HSPA12A: variants seen among roughly 807,000 people sequenced by gnomAD.
The protein encoded by HSPA12A is heat shock protein family A (Hsp70) member 12A, also known as heat shock 70 kDa protein 12A.
Under a neutral mutation model 69.2 loss-of-function variants are expected in HSPA12A, and 28 were observed. The observed-to-expected ratio is 0.40, with a 90% confidence interval of 0.30 to 0.55. The LOEUF is 0.55. Among genes scored for constraint, HSPA12A ranks in the 20% least tolerant of loss-of-function variants. HSPA12A has a pLI of 0.38. For synonymous variants in HSPA12A, 345 were observed against 370.5 expected, an observed-to-expected ratio of 0.93 and a Z score of 0.79; for missense variants, 686 against 900.7, an observed-to-expected ratio of 0.76 and a Z score of 3.05.
chr10:116,695,846 A>C (rs1292082658), intron 5 of HSPA12A, among the ~76,000 whole-genome samples: 18 of 150,944 alleles, frequency 1.2e-4, no homozygotes, highest in Non-Finnish European at 1.8e-4. Context: ...AAAAAGAAAA[A>C]ACAAAAATTA....
rs184577824 is a variant in HSPA12A, at chr10:116,676,472, C to G, written c.1317G>C (p.Gly439=). 1 of 1,613,814 alleles carries G rather than the reference C, an allele frequency of 6.2e-7. No individual in the cohort carries two copies. The highest frequency in any genetic ancestry group is 8.5e-7 in the Non-Finnish European group (1 of 1,179,998). The change falls in exon 11 of 12, where the codon GGG becomes GGC. Residue 439 remains glycine (G), a synonymous_variant. Coordinates refer to ENST00000369209, the MANE Select transcript of HSPA12A (RefSeq NM_025015.3). The part of the protein sequence containing the change: ...NVDFVKWSSQ[G]MLRMSPDAMN... ...TGGCATCTGGACTCATCCGCAGCAT[C>G]CCCTGCGAGGACCACTTCACAAAAT...
At chr10:116,751,112 G>A (rs1280516873) in intron 2 of HSPA12A, 1 of 166,394 alleles carries the variant, frequency 6.0e-6, no homozygotes, top group Non-Finnish European at 1.4e-5. Flanking sequence ...AGAAGGAGAT[G>A]AAGAAAAGGA....
intron 2 of HSPA12A, among the ~76,000 whole-genome samples, chr10:116,747,785 G>T (rs1331595837): frequency 1.3e-5 from 2 of 152,018 alleles, no homozygotes; most frequent in Admixed American, 1.3e-4. Flanking sequence ...GATCACTTGA[G>T]GTCAGGAGTT....
At chr10:116,815,014 C>T (rs979094483) in intron 2 of HSPA12A, among the ~76,000 whole-genome samples, 8 of 152,190 alleles carry the variant, frequency 5.3e-5, no homozygotes, top group African/African-American at 1.7e-4. Context: ...ACTCTTTTTA[C>T]ACCATCCCCT....
At chr10:116,801,674 C>G (rs1449176843) in intron 2 of HSPA12A, among the ~76,000 whole-genome samples, 1 of 151,886 alleles carries the variant, frequency 6.6e-6, no homozygotes, top group African/African-American at 2.4e-5. Flanking sequence ...AAACCTAATA[C>G]GTGGTAAGTT....
At chr10:116,764,945 G>T (rs1184586721) in intron 2 of HSPA12A, among the ~76,000 whole-genome samples, 2 of 152,204 alleles carry the variant, frequency 1.3e-5, no homozygotes, top group Non-Finnish European at 2.9e-5. Context: ...TAGCAGGCTT[G>T]TTGGGGATAG....
intron 2 of HSPA12A, among the ~76,000 whole-genome samples, chr10:116,770,013 G>A (rs1332025330): frequency 6.6e-6 from 1 of 152,174 alleles, no homozygotes; most frequent in Non-Finnish European, 1.5e-5. Flanking sequence ...AGGTCATTTG[G>A]GCCATTCCTC....
intron 1 of HSPA12A, among the ~76,000 whole-genome samples, chr10:116,731,492 A>C (rs1237536888): frequency 6.6e-6 from 1 of 152,216 alleles, no homozygotes; most frequent in Non-Finnish European, 1.5e-5. Flanking sequence ...CACACACCAG[A>C]AGAACACACC....
chr10:116,849,175 G>A (rs1845971225), intron 1 of HSPA12A, among the ~76,000 whole-genome samples: 1 of 152,208 alleles, frequency 6.6e-6, no homozygotes, highest in African/African-American at 2.4e-5. Flanking sequence ...AAGACGCTGG[G>A]CCACTGGGAC....
intron 1 of HSPA12A, among the ~76,000 whole-genome samples, chr10:116,845,802 A>G (rs1845870815): frequency 6.6e-6 from 1 of 152,222 alleles, no homozygotes; most frequent in Admixed American, 6.5e-5. Flanking sequence ...CTGCATATAT[A>G]TGAGTGTATT....
intron 2 of HSPA12A, among the ~76,000 whole-genome samples, chr10:116,800,278 C>T (rs748332255): frequency 1.3e-5 from 2 of 152,184 alleles, no homozygotes; most frequent in Non-Finnish European, 2.9e-5. Flanking sequence ...TCTCCCCCAA[C>T]TTACCCCCAG....
chr10:116,786,113 C>T (rs1262449528), intron 2 of HSPA12A, among the ~76,000 whole-genome samples: 5 of 152,152 alleles, frequency 3.3e-5, no homozygotes, highest in African/African-American at 7.2e-5. Flanking sequence ...TGGAGCCTCT[C>T]GGGTAATTAC....
intron 2 of HSPA12A, among the ~76,000 whole-genome samples, chr10:116,780,133 C>A (rs1035712864): frequency 6.6e-6 from 1 of 152,206 alleles, no homozygotes; most frequent in Non-Finnish European, 1.5e-5. Flanking sequence ...TCACTCCCTG[C>A]ATAGCTGCAG....
At chr10:116,750,225 T>C in intron 2 of HSPA12A, 1 of 758,702 alleles carries the variant, frequency 1.3e-6, no homozygotes, top group Non-Finnish European at 2.4e-6. Context: ...GCCTGCAGGC[T>C]TCTCAATAGG....
chr10:116,759,682 C>A (rs1843928756), intron 2 of HSPA12A, among the ~76,000 whole-genome samples: 1 of 152,150 alleles, frequency 6.6e-6, no homozygotes, highest in Admixed American at 6.5e-5. Flanking sequence ...TAGAAGACAT[C>A]TCCTCAGGTG....
intron 2 of HSPA12A, among the ~76,000 whole-genome samples, chr10:116,763,798 T>C (rs1844022347): frequency 6.6e-6 from 1 of 152,244 alleles, no homozygotes; most frequent in Admixed American, 6.5e-5. Flanking sequence ...AAGTCAGATT[T>C]AAGGACAGCA....
At chr10:116,731,206 T>C (rs980383312) in intron 1 of HSPA12A, among the ~76,000 whole-genome samples, 3 of 152,232 alleles carry the variant, frequency 2.0e-5, no homozygotes, top group Non-Finnish European at 4.4e-5. Context: ...CTTGGCAGAA[T>C]GTCTGTTTTA....
At chr10:116,679,376 C>G in intron 10 of HSPA12A, 127 bp downstream of exon 10, 1 of 1,113,666 alleles carries the variant, frequency 9.0e-7, no homozygotes, top group Non-Finnish European at 1.3e-6. Context: ...GAAGTTGAGT[C>G]CCTTGCCCAA....
chr10:116,796,642 G>A (rs1034991263), intron 2 of HSPA12A, among the ~76,000 whole-genome samples: 1 of 152,160 alleles, frequency 6.6e-6, no homozygotes, highest in African/African-American at 2.4e-5. Flanking sequence ...GTTTAACACT[G>A]AAAGGGAAAC....
Sources: gnomAD v4.1 joint callset for allele counts (sites outside exome capture counted in the v4.1 genomes callset) on GRCh38, gnomAD v4.1.1 for gene constraint, MANE v1.5 for transcripts, NCBI Gene and HGNC (gene_info 2026-07-23, HGNC 2026-07-21) for gene names.